Variants in COMMD1 observed in about 807,000 individuals in gnomAD.
The protein encoded by COMMD1 is copper metabolism domain containing 1.
A neutral mutation model predicts 17.2 loss-of-function variants in COMMD1; 10 were observed. The observed-to-expected ratio is 0.58, with a 90% confidence interval of 0.36 to 0.99. The LOEUF is 0.99. Ranked by LOEUF, COMMD1 falls within the 50% of genes least tolerant of loss-of-function variation. COMMD1 has a pLI of 0.01. For missense variants in COMMD1, 270 were observed against 231.8 expected, an observed-to-expected ratio of 1.17 and a Z score of -1.07; for synonymous variants, 97 against 91.6, an observed-to-expected ratio of 1.06 and a Z score of -0.34.
intron 1 of COMMD1, among the ~76,000 whole-genome samples, chr2:61,970,055 G>A (rs1356083310): frequency 6.6e-6 from 1 of 151,970 alleles, no homozygotes. Flanking sequence ...TCAGGAGTTC[G>A]AGACCAGCCT....
intron 1 of COMMD1, among the ~76,000 whole-genome samples, chr2:61,975,118 C>CT: frequency 0.14 from 11,061 of 80,162 alleles, 684 homozygotes; most frequent in Non-Finnish European, 0.19. Context: ...TCATTTCTTT[C>CT]TTTTTTTTTT....
At chr2:61,959,049 G>T (rs904145997) in intron 1 of COMMD1, among the ~76,000 whole-genome samples, 45 of 152,240 alleles carry the variant, frequency 3.0e-4, no homozygotes, top group African/African-American at 1.0e-3. Flanking sequence ...TAGTTTTACT[G>T]CTCTTAGTTA....
chr2:61,896,980 C>G (rs916339072), intron 1 of COMMD1, among the ~76,000 whole-genome samples: 5 of 152,050 alleles, frequency 3.3e-5, no homozygotes, highest in African/African-American at 1.2e-4. Context: ...CAGGTGCCCG[C>G]CACCACATCT....
chr2:61,997,418 C>T (rs557775453), intron 1 of COMMD1, among the ~76,000 whole-genome samples: 13 of 151,956 alleles, frequency 8.6e-5, no homozygotes, highest in African/African-American at 2.7e-4. Flanking sequence ...CTTCTTGATC[C>T]GTGGTCTGCA....
chr2:61,969,878 G>A (rs1041688221), intron 1 of COMMD1, among the ~76,000 whole-genome samples: 3 of 151,906 alleles, frequency 2.0e-5, no homozygotes, highest in African/African-American at 7.3e-5. Context: ...AACTTCCTTG[G>A]TACAATCCAG....
chr2:62,006,669 C>T (rs1669131538), intron 2 of COMMD1, among the ~76,000 whole-genome samples: 2 of 152,186 alleles, frequency 1.3e-5, no homozygotes, highest in African/African-American at 4.8e-5. Context: ...GCTTATGAGA[C>T]TGAAATCCTG....
intron 2 of COMMD1, among the ~76,000 whole-genome samples, chr2:62,041,642 G>C (rs1670203522): frequency 6.6e-6 from 1 of 152,144 alleles, no homozygotes; most frequent in African/African-American, 2.4e-5. Context: ...CTGCCTCCCT[G>C]TCCTCCCAAA....
At chr2:62,103,197 C>T (rs978361935) in intron 2 of COMMD1, among the ~76,000 whole-genome samples, 3 of 152,154 alleles carry the variant, frequency 2.0e-5, no homozygotes, top group Non-Finnish European at 2.9e-5. Flanking sequence ...CCAGAACGAT[C>T]TCGATCTCCT....
chr2:61,897,931 T>C (rs572076031), intron 1 of COMMD1, among the ~76,000 whole-genome samples: 28 of 152,132 alleles, frequency 1.8e-4, no homozygotes, highest in Non-Finnish European at 3.5e-4. Context: ...AGTTATTTCA[T>C]CTGCAGCATA....
intron 2 of COMMD1, among the ~76,000 whole-genome samples, chr2:62,045,070 A>G (rs538647937): frequency 6.6e-6 from 1 of 152,278 alleles, no homozygotes; most frequent in Admixed American, 6.5e-5. Context: ...TGGGAAAACC[A>G]GAGTTATCAC....
In COMMD1 at chr2:61,973,339, A is replaced by G. The variant is rs143593447; in HGVS notation, c.181-27362A>G. Among the ~76,000 whole-genome samples, 392 of 152,342 alleles carry G rather than the reference A, an allele frequency of 2.6e-3. 1 individual carries two copies. Among genetic ancestry groups the G allele is most frequent in the African/African-American group, 8.3e-3 (345 of 41,584 alleles). On this transcript the variant is annotated intron_variant, in intron 1 of 2. Coordinates refer to ENST00000311832, the MANE Select transcript of COMMD1 (RefSeq NM_152516.4). ...TTTTTATAGATAATGCCAAAATTTC[A>G]TAGATAATCTCCAAAATGTTACATT...
At chr2:62,023,880 G>A (rs1290379341) in intron 2 of COMMD1, among the ~76,000 whole-genome samples, 3 of 152,076 alleles carry the variant, frequency 2.0e-5, no homozygotes, top group African/African-American at 7.2e-5. Context: ...GAATACAATG[G>A]TTATATCTAC....
chr2:61,952,128 T>C (rs1050374869), intron 1 of COMMD1, among the ~76,000 whole-genome samples: 3 of 152,216 alleles, frequency 2.0e-5, no homozygotes, highest in Non-Finnish European at 2.9e-5. Flanking sequence ...CTATCTTTGC[T>C]CATTCCTGGG....
intron 1 of COMMD1, among the ~76,000 whole-genome samples, chr2:61,992,532 C>G (rs1200752555): frequency 1.3e-5 from 2 of 152,088 alleles, no homozygotes; most frequent in Admixed American, 6.6e-5. Context: ...AGCCCATGAG[C>G]TAAAAATGGT....
At chr2:61,953,619 C>T (rs1175168486) in intron 1 of COMMD1, among the ~76,000 whole-genome samples, 2 of 152,064 alleles carry the variant, frequency 1.3e-5, no homozygotes, top group African/African-American at 4.8e-5. Context: ...ATCTGCCCAC[C>T]TCGGCTTCCC....
In COMMD1 at chr2:62,086,767, C is replaced by T. The variant is rs180994069; in HGVS notation, c.463-49064C>T. On this transcript the variant is annotated intron_variant, in intron 2 of 2. Coordinates refer to ENST00000311832, the MANE Select transcript of COMMD1 (RefSeq NM_152516.4). ...TAGGATCCAGAACTTATTTTGGGTG[C>T]AGTTTACTTATACTGTTAACTCTTT... 9.9e-4 allele frequency among the ~76,000 whole-genome samples: 150 copies of T among 152,192 alleles called. 2 individuals are homozygous for T. The highest frequency in any genetic ancestry group is 1.2e-4 in the Non-Finnish European group (8 of 68,004).
chr2:61,979,116 C>G (rs1000959544), intron 1 of COMMD1, among the ~76,000 whole-genome samples: 1 of 152,124 alleles, frequency 6.6e-6, no homozygotes, highest in Non-Finnish European at 1.5e-5. Context: ...CCCCACCTCC[C>G]ACTATCCTTC....
chr2:62,063,407 G>T (rs1430005488), intron 2 of COMMD1, among the ~76,000 whole-genome samples: 1 of 151,912 alleles, frequency 6.6e-6, no homozygotes, highest in African/African-American at 2.4e-5. Flanking sequence ...AGCCAGGATG[G>T]TCTTAATCTC....
chr2:61,961,481 G>A (rs1671342327), intron 1 of COMMD1, among the ~76,000 whole-genome samples: 1 of 152,196 alleles, frequency 6.6e-6, no homozygotes, highest in Admixed American at 6.5e-5. Context: ...GCCAGAGCAA[G>A]CTAGGACAGC....
Sources: gnomAD v4.1 joint callset for allele counts (sites outside exome capture counted in the v4.1 genomes callset) on GRCh38, gnomAD v4.1.1 for gene constraint, MANE v1.5 for transcripts, NCBI Gene and HGNC (gene_info 2026-07-23, HGNC 2026-07-21) for gene names.